TBXAS1: variants seen among roughly 807,000 people sequenced by gnomAD.
TBXAS1 encodes the protein thromboxane A synthase 1, also known as thromboxane-A synthase.
A neutral mutation model predicts 60.7 loss-of-function variants in TBXAS1; 48 were observed. The observed-to-expected ratio is 0.79, with a 90% confidence interval of 0.63 to 1.01. The LOEUF is 1.01. TBXAS1 is among the 50% of genes least tolerant of loss of function. The probability of loss-of-function intolerance (pLI) is 0.00; values close to 1 mark genes in which losing one functional copy is unlikely to be tolerated. For missense variants in TBXAS1, 685 were observed against 686.3 expected (o/e 1.00, Z 0.02); for synonymous variants, 287 against 269.7 (o/e 1.06, Z -0.63).
chr7:139,905,025 T>C (rs868404395), intron 3 of TBXAS1, among the ~76,000 whole-genome samples: 4 of 80,162 alleles, frequency 5.0e-5, no homozygotes, highest in African/African-American at 2.1e-4. Flanking sequence ...CTTTCTTTCT[T>C]TCTTTCTTTC....
intron 4 of TBXAS1, chr7:139,913,347 G>C (rs1328193008): frequency 3.6e-6 from 2 of 552,250 alleles, no homozygotes; most frequent in African/African-American, 3.8e-5. Flanking sequence ...GCTGATTAAA[G>C]AAGTTGGAGA....
At chr7:139,966,511 A>G (rs1810800277) in intron 9 of TBXAS1, among the ~76,000 whole-genome samples, 1 of 152,004 alleles carries the variant, frequency 6.6e-6, no homozygotes, top group African/African-American at 2.4e-5. Flanking sequence ...CTCTGGGCAC[A>G]CTCCCTTCTC....
At chr7:139,970,973 G>A (rs1467132881) in intron 9 of TBXAS1, among the ~76,000 whole-genome samples, 2 of 152,116 alleles carry the variant, frequency 1.3e-5, no homozygotes, top group Non-Finnish European at 2.9e-5. Flanking sequence ...CAGTAGCTTC[G>A]GGTGCCAGGT....
rs1234499801 is a variant in TBXAS1 at position 139,860,182 on chromosome 7, A to C, written c.90-12053A>C. Among the ~76,000 whole-genome samples the C allele has an allele frequency of 5.9e-5, 9 of 152,160 alleles. No homozygotes were observed. The South Asian group carries it at 1.9e-3, about 31-fold the overall frequency. Reference sequence around the variant, plus strand: ...AAGAATATGTATTCTTGGCTGTTTCAGTGGTAGGGCTACCAAAGCCTGGTT... The same window carrying C: ...AAGAATATGTATTCTTGGCTGTTTCCGTGGTAGGGCTACCAAAGCCTGGTT... On this transcript the variant is annotated intron_variant, in intron 1 of 12. Coordinates refer to ENST00000448866, the MANE Select transcript of TBXAS1 (RefSeq NM_001061.7).
chr7:139,853,896 G>C (rs1470095672), intron 1 of TBXAS1, among the ~76,000 whole-genome samples: 1 of 152,226 alleles, frequency 6.6e-6, no homozygotes, highest in Non-Finnish European at 1.5e-5. Flanking sequence ...TAGGGAATCA[G>C]TGGAACTCTT....
chr7:139,911,088 C>T (rs1805480751), intron 3 of TBXAS1, 137 bp from the exon 4 acceptor site: 3 of 775,204 alleles, frequency 3.9e-6, no homozygotes, highest in East Asian at 5.2e-5. Context: ...ATGATTGGAA[C>T]ATATGTTTCC....
chr7:139,929,790 C>G (rs1354087016), intron 4 of TBXAS1, among the ~76,000 whole-genome samples: 1 of 152,198 alleles, frequency 6.6e-6, no homozygotes, highest in Non-Finnish European at 1.5e-5. Context: ...CTCCCGGTAT[C>G]TGTGTCCAGC....
intron 4 of TBXAS1, among the ~76,000 whole-genome samples, chr7:139,912,752 T>C (rs1584835754): frequency 6.6e-6 from 1 of 151,902 alleles, no homozygotes; most frequent in Non-Finnish European, 1.5e-5. Flanking sequence ...TTAGAGAAAG[T>C]CCCCCTGCCT....
intron 9 of TBXAS1, among the ~76,000 whole-genome samples, chr7:139,974,310 C>A (rs543766031): frequency 7.9e-5 from 12 of 152,234 alleles, no homozygotes; most frequent in Non-Finnish European, 1.6e-4. Flanking sequence ...CACCCCTCAC[C>A]AGAGGCAGGC....
intron 4 of TBXAS1, chr7:139,797,422 G>T (rs1292084789): frequency 1.3e-5 from 2 of 152,126 alleles, no homozygotes; most frequent in Non-Finnish European, 2.9e-5. Context: ...GTTAGCCATT[G>T]GCCCTGCATT....
chr7:139,824,113 A>G (rs1798373807), intron 4 of TBXAS1, among the ~76,000 whole-genome samples: 1 of 152,244 alleles, frequency 6.6e-6, no homozygotes, highest in African/African-American at 2.4e-5. Flanking sequence ...AGGAAATACC[A>G]CAGAATTTAT....
intron 3 of TBXAS1, among the ~76,000 whole-genome samples, chr7:139,887,658 T>C (rs890625148): frequency 2.0e-5 from 3 of 152,242 alleles, no homozygotes; most frequent in African/African-American, 7.2e-5. Context: ...CTGCCTTTTG[T>C]TTATTCGTTT....
At chr7:139,875,232 A>G (rs1802138826) in intron 2 of TBXAS1, among the ~76,000 whole-genome samples, 1 of 152,270 alleles carries the variant, frequency 6.6e-6, no homozygotes, top group Non-Finnish European at 1.5e-5. Context: ...TGATAGACTC[A>G]GTAGAAGTTA....
At chr7:139,984,616 G>GAC (rs146808695) in intron 9 of TBXAS1, among the ~76,000 whole-genome samples, 2 of 56,598 alleles carry the variant, frequency 3.5e-5, no homozygotes, top group East Asian at 6.0e-4. Context: ...AAGAAAGAAA[G>GAC]AGAGAGAGAG....
At chr7:139,826,831 C>G (rs968793909), upstream of TBXAS1, among the ~76,000 whole-genome samples, 1 of 152,176 alleles carries the variant, frequency 6.6e-6, no homozygotes, top group Non-Finnish European at 1.5e-5. Context: ...TGGCTCGACA[C>G]CTCCACTCAG....
Position 139,967,719 on chromosome 7 carries a change from G to C in TBXAS1, c.1134+5486G>C, listed in dbSNP as rs1810896686. On this transcript the variant is annotated intron_variant, in intron 9 of 12. Coordinates refer to ENST00000448866, the MANE Select transcript of TBXAS1 (RefSeq NM_001061.7). ...AACCACTGAGCTCTCGAGCGGAGGAGAGGTTGATCCCCAAATCACTCTTAT... is the reference window on the plus strand; with the variant it reads ...AACCACTGAGCTCTCGAGCGGAGGACAGGTTGATCCCCAAATCACTCTTAT... Among the ~76,000 whole-genome samples, 7 of 152,186 alleles carry C rather than the reference G, an allele frequency of 4.6e-5. No individual in the cohort carries two copies. In the South Asian group the frequency reaches 1.2e-3, roughly 27 times the overall value.
intron 7 of TBXAS1, among the ~76,000 whole-genome samples, chr7:139,957,033 G>A (rs997642903): frequency 6.6e-6 from 1 of 152,222 alleles, no homozygotes; most frequent in East Asian, 1.9e-4. Context: ...GGAGATGAGG[G>A]GTTCCTGACT....
At chr7:139,895,169 A>G (rs1266501449) in intron 3 of TBXAS1, among the ~76,000 whole-genome samples, 1 of 152,140 alleles carries the variant, frequency 6.6e-6, no homozygotes, top group Non-Finnish European at 1.5e-5. Flanking sequence ...GAGGGCAAAG[A>G]ATGTTCCACT....
intron 9 of TBXAS1, among the ~76,000 whole-genome samples, chr7:140,005,592 C>T (rs901387583): frequency 2.0e-4 from 30 of 152,156 alleles, no homozygotes; most frequent in African/African-American, 6.5e-4. Flanking sequence ...TGATAACCTT[C>T]TAAAGTTAGA....
Sources: gnomAD v4.1 joint callset for allele counts (sites outside exome capture counted in the v4.1 genomes callset) on GRCh38, gnomAD v4.1.1 for gene constraint, MANE v1.5 for transcripts, NCBI Gene and HGNC (gene_info 2026-07-23, HGNC 2026-07-21) for gene names.